Variants in COG5 observed in about 807,000 individuals in gnomAD.
COG5 encodes component of oligomeric golgi complex 5, also known as conserved oligomeric Golgi complex subunit 5.
Under a neutral mutation model 110.4 loss-of-function variants are expected in COG5, and 86 were observed. The observed-to-expected ratio is 0.78, with a 90% CI of 0.65 to 0.93. The LOEUF (loss-of-function observed/expected upper bound fraction) is 0.93. COG5 is among the 40% of genes least tolerant of loss of function. The pLI is 0.00. For missense variants in COG5, 1,077 were observed against 987.0 expected (o/e 1.09, Z -1.22); for synonymous variants, 360 against 334.6 (o/e 1.08, Z -0.83).
intron 19 of COG5, among the ~76,000 whole-genome samples, chr7:107,220,398 C>T (rs1057097736): frequency 6.6e-6 from 1 of 152,160 alleles, no homozygotes; most frequent in African/African-American, 2.4e-5. Flanking sequence ...CAATCTCTTT[C>T]GGAATTATTT....
At chr7:107,495,375 A>C (rs1204990489) in intron 6 of COG5, among the ~76,000 whole-genome samples, 1 of 152,166 alleles carries the variant, frequency 6.6e-6, no homozygotes, top group Non-Finnish European at 1.5e-5. Context: ...AAAACCAGCA[A>C]CTACACAATG....
At chr7:107,225,850 C>T (rs1020134166) in intron 19 of COG5, among the ~76,000 whole-genome samples, 4 of 152,098 alleles carry the variant, frequency 2.6e-5, no homozygotes, top group African/African-American at 9.7e-5. Flanking sequence ...TGAGACCAGC[C>T]TGGCCAACGT....
chr7:107,460,181 T>C (rs923038020), intron 6 of COG5, among the ~76,000 whole-genome samples: 12 of 152,066 alleles, frequency 7.9e-5, no homozygotes, highest in African/African-American at 1.4e-4. Context: ...GGTTGGAGGA[T>C]TGCTTGAGTC....
chr7:107,413,706 A>G (rs1051352223), intron 6 of COG5, among the ~76,000 whole-genome samples: 1 of 152,234 alleles, frequency 6.6e-6, no homozygotes, highest in African/African-American at 2.4e-5. Context: ...TGTCAAGCAC[A>G]TCTAGAGACT....
intron 6 of COG5, among the ~76,000 whole-genome samples, chr7:107,430,639 G>A (rs982462944): frequency 6.6e-6 from 1 of 152,108 alleles, no homozygotes; most frequent in African/African-American, 2.4e-5. Context: ...TACAATATCT[G>A]CAGCAAACAC....
At chr7:107,313,095 C>T (rs1224780814) in intron 11 of COG5, among the ~76,000 whole-genome samples, 1 of 152,174 alleles carries the variant, frequency 6.6e-6, no homozygotes, top group Non-Finnish European at 1.5e-5. Context: ...AAGGTCTTAT[C>T]CTGAAGACAT....
chr7:107,551,161 G>C (rs1171733542), intron 3 of COG5, among the ~76,000 whole-genome samples: 1 of 152,090 alleles, frequency 6.6e-6, no homozygotes, highest in East Asian at 1.9e-4. Context: ...TCCTGCCTCA[G>C]CCTCCCAAGT....
intron 7 of COG5, among the ~76,000 whole-genome samples, chr7:107,387,378 C>G (rs1279155340): frequency 6.6e-6 from 1 of 152,184 alleles, no homozygotes; most frequent in African/African-American, 2.4e-5. Context: ...GCAGCAGCGC[C>G]TAAGCAAGTG....
chr7:107,208,738 G>C (rs10248340), intron 21 of COG5: 64,818 of 985,236 alleles, frequency 0.066, 2,446 homozygotes, highest in African/African-American at 0.17. Flanking sequence ...AGCAGGGTCC[G>C]AGCTAATCTT....
chr7:107,531,124 TTC>T (rs1411438785), intron 5 of COG5, among the ~76,000 whole-genome samples: 3 of 152,220 alleles, frequency 2.0e-5, no homozygotes, highest in African/African-American at 7.2e-5. Context: ...TTCTCTCACC[TTC>T]TCTTTTTTTC....
chr7:107,412,399 T>C, intron 7 of COG5, 103 bp downstream of exon 7: 1 of 1,054,794 alleles, frequency 9.5e-7, no homozygotes, highest in Middle Eastern at 2.1e-4. Context: ...TTCTCAGTGA[T>C]ATATTACTAT....
chr7:107,331,791 T>C lies in COG5; in HGVS notation c.1027-7270A>G, dbSNP rs888353109. ...AGAAAGATGTGCTCTTTTAAACTTA[T>C]GCTTCTGGAACCTGTGGGGCATCCA... On this transcript the variant is annotated intron_variant, in intron 10 of 21. Transcript: ENST00000297135. 3.3e-5 allele frequency among the ~76,000 whole-genome samples: 5 copies of C among 151,386 alleles called. No individual in the cohort carries two copies. The East Asian group carries it at 7.7e-4, about 23-fold the overall frequency.
At chr7:107,240,950 G>A (rs1186691452) in intron 17 of COG5, among the ~76,000 whole-genome samples, 1 of 152,168 alleles carries the variant, frequency 6.6e-6, no homozygotes, top group South Asian at 2.1e-4. Flanking sequence ...AGCTGAAATG[G>A]AGTCACCAAA....
intron 16 of COG5, 109 bp downstream of exon 16, chr7:107,256,623 T>C: frequency 1.4e-6 from 1 of 716,616 alleles, no homozygotes; most frequent in East Asian, 2.7e-5. Context: ...GCTACTTTTG[T>C]ATATATAGAG....
intron 6 of COG5, among the ~76,000 whole-genome samples, chr7:107,506,389 G>T (rs947581049): frequency 1.3e-5 from 2 of 152,172 alleles, no homozygotes; most frequent in African/African-American, 4.8e-5. Context: ...GTGGCTGGAG[G>T]GGTAAAGCCA....
Position 107,202,423 on chromosome 7 carries a change from T to C in COG5, c.*1093A>G, listed in dbSNP as rs913312889. ...CTGGTTAGGAATCACAGCTGTAAAA[T>C]TGATTTCAGTTCATCACACTTCTTC... On this transcript the variant is annotated 3_prime_UTR_variant, in exon 22 of 22. Coordinates refer to ENST00000297135, the MANE Select transcript of COG5 (RefSeq NM_006348.5). 3.3e-5 allele frequency: 5 copies of C among 152,650 alleles called. No homozygotes were observed. The highest frequency in any genetic ancestry group is 2.1e-4 in the South Asian group (1 of 4,832). 9.5% of individuals were successfully genotyped at this position (152,650 alleles called of 1,614,324 possible).
chr7:107,362,466 G>A (rs1169066954), intron 8 of COG5, 46 bp from the exon 9 acceptor site: 1 of 1,163,812 alleles, frequency 8.6e-7, no homozygotes, highest in South Asian at 1.3e-5. Context: ...GTTTTCCAAA[G>A]GCAAATATAT....
At chr7:107,214,693 G>A (rs1264860634) in intron 19 of COG5, among the ~76,000 whole-genome samples, 1 of 152,246 alleles carries the variant, frequency 6.6e-6, no homozygotes, top group East Asian at 1.9e-4. Context: ...AGGCTGAGGT[G>A]GGCGGATCAC....
intron 6 of COG5, among the ~76,000 whole-genome samples, chr7:107,439,295 T>C (rs193185864): frequency 3.9e-5 from 6 of 152,220 alleles, no homozygotes; most frequent in Admixed American, 2.0e-4. Context: ...AAAAAATCTT[T>C]GAAATTTACA....
Sources: gnomAD v4.1 joint callset for allele counts (sites outside exome capture counted in the v4.1 genomes callset) on GRCh38, gnomAD v4.1.1 for gene constraint, MANE v1.5 for transcripts, NCBI Gene and HGNC (gene_info 2026-07-23, HGNC 2026-07-21) for gene names.